CCSER1: variants seen among roughly 807,000 people sequenced by gnomAD.
CCSER1 encodes the protein serine-rich coiled-coil domain-containing protein 1.
Under a neutral mutation model 82.0 loss-of-function variants are expected in CCSER1, and 41 were observed. The ratio of observed to expected loss-of-function variants is 0.50; its 90% confidence interval spans 0.39 to 0.65. CCSER1 has a LOEUF of 0.65. Ranked by LOEUF, CCSER1 falls within the 30% of genes least tolerant of loss-of-function variation. The pLI is 0.00. For missense variants in CCSER1, 1,119 were observed against 1,064.2 expected, an observed-to-expected ratio of 1.05 and a Z score of -0.72; for synonymous variants, 414 against 383.9, an observed-to-expected ratio of 1.08 and a Z score of -0.92.
chr4:91,160,425 T>G (rs769708036), intron 10 of CCSER1, among the ~76,000 whole-genome samples: 10 of 152,234 alleles, frequency 6.6e-5, no homozygotes, highest in Non-Finnish European at 1.0e-4. Flanking sequence ...ATGACATGGC[T>G]GGGTCAAATG....
At chr4:90,580,601 C>T (rs1781319890) in intron 5 of CCSER1, among the ~76,000 whole-genome samples, 1 of 152,180 alleles carries the variant, frequency 6.6e-6, no homozygotes, top group South Asian at 2.1e-4. Flanking sequence ...ATTCCAAGGG[C>T]TCAGAGCTCA....
Position 91,107,062 on chromosome 4 carries a change from T to C in CCSER1, c.2217+21068T>C, listed in dbSNP as rs959692194. 3.9e-5 allele frequency among the ~76,000 whole-genome samples: 6 copies of C among 152,206 alleles called. No homozygotes were observed. In the East Asian group the frequency reaches 1.2e-3, roughly 29 times the overall value. On this transcript the variant is annotated intron_variant, in intron 10 of 10. Coordinates refer to ENST00000509176, the MANE Select transcript of CCSER1 (RefSeq NM_001145065.2). ...ACTGTAGCTTTTCTCTGTTTAGATA[T>C]GCTTAGATACACAAATATTTAACAC...
chr4:91,395,345 T>G (rs1259563075), intron 10 of CCSER1, among the ~76,000 whole-genome samples: 3 of 151,988 alleles, frequency 2.0e-5, no homozygotes, highest in Non-Finnish European at 4.4e-5. Context: ...ATCAAGAGAG[T>G]GCAGCCATTA....
intron 5 of CCSER1, among the ~76,000 whole-genome samples, chr4:90,619,287 T>A (rs1405959131): frequency 2.0e-5 from 3 of 152,000 alleles, no homozygotes; most frequent in Admixed American, 6.5e-5. Flanking sequence ...TACTCTTCCA[T>A]ATAGTGGTGA....
chr4:90,782,198 A>T (rs1261682342), intron 7 of CCSER1, among the ~76,000 whole-genome samples: 1 of 152,180 alleles, frequency 6.6e-6, no homozygotes, highest in African/African-American at 2.4e-5. Flanking sequence ...TGGGTCATAG[A>T]TGGAATATAT....
At chr4:90,248,868 T>TTA (rs1248859451) in intron 1 of CCSER1, among the ~76,000 whole-genome samples, 26 of 150,240 alleles carry the variant, frequency 1.7e-4, no homozygotes, top group African/African-American at 6.5e-4. Context: ...CAGCTAATTT[T>TTA]TGTGTTTTTT....
intron 5 of CCSER1, among the ~76,000 whole-genome samples, chr4:90,590,617 G>A (rs72887446): frequency 0.35 from 52,646 of 151,648 alleles, 9,798 homozygotes; most frequent in East Asian, 0.5. Flanking sequence ...TAGATGTGTG[G>A]TGTTATTTCT....
At chr4:90,841,598 A>AT (rs1580731466) in intron 8 of CCSER1, among the ~76,000 whole-genome samples, 2 of 148,274 alleles carry the variant, frequency 1.3e-5, no homozygotes, top group African/African-American at 2.5e-5. Flanking sequence ...AAAAAAAAAA[A>AT]GAAGAAGAAG....
chr4:91,104,597 C>G (rs1725421940), intron 10 of CCSER1, among the ~76,000 whole-genome samples: 1 of 152,170 alleles, frequency 6.6e-6, no homozygotes, highest in Non-Finnish European at 1.5e-5. Context: ...AGTAGAATTG[C>G]TACTATACAC....
chr4:90,958,302 G>T (rs936352819), intron 9 of CCSER1, among the ~76,000 whole-genome samples: 3 of 152,118 alleles, frequency 2.0e-5, no homozygotes, highest in Non-Finnish European at 4.4e-5. Context: ...GTAACTAGTT[G>T]TCTGCTGGTT....
At chr4:90,737,832 C>T (rs1016640806) in intron 7 of CCSER1, among the ~76,000 whole-genome samples, 1 of 152,064 alleles carries the variant, frequency 6.6e-6, no homozygotes, top group African/African-American at 2.4e-5. Context: ...AATAGCCTGT[C>T]TTCAGGCTTA....
intron 8 of CCSER1, among the ~76,000 whole-genome samples, chr4:90,852,753 A>G (rs1203976965): frequency 6.6e-6 from 1 of 152,252 alleles, no homozygotes; most frequent in Non-Finnish European, 1.5e-5. Flanking sequence ...GACAAGTGGC[A>G]CAAAATCCTT....
intron 9 of CCSER1, among the ~76,000 whole-genome samples, chr4:91,000,055 C>T (rs1737868163): frequency 6.6e-6 from 1 of 151,838 alleles, no homozygotes; most frequent in African/African-American, 2.4e-5. Flanking sequence ...TCTTTCCCCA[C>T]TGTTTATTTT....
At chr4:90,438,059 G>C (rs1386339009) in intron 4 of CCSER1, among the ~76,000 whole-genome samples, 1 of 152,022 alleles carries the variant, frequency 6.6e-6, no homozygotes, top group African/African-American at 2.4e-5. Flanking sequence ...TTCTGATAAA[G>C]TTATTGTGAA....
intron 10 of CCSER1, among the ~76,000 whole-genome samples, chr4:91,260,823 C>T (rs1476727475): frequency 1.3e-5 from 2 of 152,174 alleles, no homozygotes; most frequent in South Asian, 2.1e-4. Flanking sequence ...TGCAATGGCG[C>T]GATCTCGGCT....
intron 10 of CCSER1, among the ~76,000 whole-genome samples, chr4:91,465,408 G>C (rs1019626646): frequency 1.3e-5 from 2 of 152,056 alleles, no homozygotes; most frequent in Non-Finnish European, 2.9e-5. Context: ...AAGCAGGAGG[G>C]ATCTAAAATC....
intron 9 of CCSER1, among the ~76,000 whole-genome samples, chr4:91,042,032 C>T (rs960461648): frequency 2.6e-5 from 4 of 152,094 alleles, no homozygotes; most frequent in Non-Finnish European, 5.9e-5. Context: ...TAAAATCTAA[C>T]CTGGAAGAAT....
chr4:90,359,321 G>T (rs1369714021), intron 3 of CCSER1, among the ~76,000 whole-genome samples: 1 of 152,202 alleles, frequency 6.6e-6, no homozygotes, highest in Non-Finnish European at 1.5e-5. Context: ...AGTTATAACT[G>T]TGTACTTTTG....
At chr4:91,475,543 A>T (rs1169294736) in intron 10 of CCSER1, among the ~76,000 whole-genome samples, 4 of 151,856 alleles carry the variant, frequency 2.6e-5, no homozygotes, top group Non-Finnish European at 5.9e-5. Context: ...ATGTGTTAAG[A>T]ATCACAGTGC....
Sources: allele counts gnomAD v4.1 joint callset (sites outside exome capture counted in the v4.1 genomes callset), GRCh38; gene constraint gnomAD v4.1.1; transcripts MANE v1.5; gene names NCBI Gene and HGNC (gene_info 2026-07-23, HGNC 2026-07-21).